The following CACNA2D1 variants were observed in gnomAD, a reference collection of about 807,000 sequenced individuals.
CACNA2D1 encodes calcium voltage-gated channel auxiliary subunit alpha2delta 1, also known as voltage-dependent calcium channel subunit alpha-2/delta-1.
Under a neutral mutation model 171.5 loss-of-function variants are expected in CACNA2D1, and 53 were observed. That is an observed-to-expected ratio of 0.31 (90% confidence interval 0.25 to 0.39). CACNA2D1 has a LOEUF of 0.39. Among genes scored for constraint, CACNA2D1 ranks in the 10% least tolerant of loss-of-function variants. The pLI is 1.00. For synonymous variants in CACNA2D1, 442 were observed against 443.1 expected (o/e 1.00, Z 0.03); for missense variants, 903 against 1,299.8 (o/e 0.69, Z 4.69).
chr7:82,256,701 A>G (rs1246737256), intron 3 of CACNA2D1, among the ~76,000 whole-genome samples: 1 of 152,186 alleles, frequency 6.6e-6, no homozygotes, highest in Non-Finnish European at 1.5e-5. Flanking sequence ...GTGACTTACA[A>G]ATTAAAGCTT....
At chr7:82,263,996 G>A (rs905814288) in intron 3 of CACNA2D1, among the ~76,000 whole-genome samples, 8 of 151,784 alleles carry the variant, frequency 5.3e-5, no homozygotes, top group African/African-American at 7.3e-5. Flanking sequence ...TATGTAGGCC[G>A]TCACCGTTTT....
At chr7:82,417,850 T>C (rs1828330041) in intron 1 of CACNA2D1, among the ~76,000 whole-genome samples, 2 of 152,136 alleles carry the variant, frequency 1.3e-5, no homozygotes, top group Non-Finnish European at 1.5e-5. Flanking sequence ...GCATTAGATT[T>C]TGCATATAGT....
At chr7:82,168,481 ATGAC>A (rs1017249165) in intron 4 of CACNA2D1, among the ~76,000 whole-genome samples, 12 of 152,088 alleles carry the variant, frequency 7.9e-5, no homozygotes, top group African/African-American at 2.9e-4. Flanking sequence ...AATAAATAGA[ATGAC>A]TAAGTGCCTT....
rs150386149 is a variant in CACNA2D1, at chr7:82,436,034, T to C, written c.95+7331A>G. On this transcript the variant is annotated intron_variant, in intron 1 of 38. Coordinates refer to ENST00000356860, the MANE Select transcript of CACNA2D1 (RefSeq NM_000722.4). ...GGTCATGCTCTGATGTATCCCAGTGTTCCATAGTCAGCTTGGAGTTGCTAA... is the reference window on the plus strand; with the variant it reads ...GGTCATGCTCTGATGTATCCCAGTGCTCCATAGTCAGCTTGGAGTTGCTAA... Among the ~76,000 whole-genome samples, 7 of 152,352 alleles carry C rather than the reference T, an allele frequency of 4.6e-5. No individual in the cohort carries two copies. In the East Asian group the frequency reaches 1.4e-3, roughly 29 times the overall value.
At chr7:82,247,922 A>G (rs1805130387) in intron 3 of CACNA2D1, among the ~76,000 whole-genome samples, 2 of 152,184 alleles carry the variant, frequency 1.3e-5, no homozygotes, top group South Asian at 4.1e-4. Flanking sequence ...TCTGATTAGA[A>G]CAAGCCAAGT....
intron 15 of CACNA2D1, among the ~76,000 whole-genome samples, chr7:82,009,505 T>G (rs1279439641): frequency 6.6e-6 from 1 of 152,136 alleles, no homozygotes; most frequent in Non-Finnish European, 1.5e-5. Context: ...GATAATTTAG[T>G]AAGGATTTGG....
At chr7:82,192,301 C>T (rs1563181979) in intron 3 of CACNA2D1, among the ~76,000 whole-genome samples, 1 of 151,538 alleles carries the variant, frequency 6.6e-6, no homozygotes. Context: ...GGTAATTTCA[C>T]AATAACTCTA....
chr7:82,002,357 C>T (rs1208058788), intron 18 of CACNA2D1, among the ~76,000 whole-genome samples: 3 of 152,174 alleles, frequency 2.0e-5, no homozygotes, highest in Admixed American at 1.3e-4. Flanking sequence ...TCATCTTGAA[C>T]TTCCCAGTCT....
intron 5 of CACNA2D1, among the ~76,000 whole-genome samples, chr7:82,122,215 G>C (rs2129058663): frequency 6.6e-6 from 1 of 152,246 alleles, no homozygotes; most frequent in East Asian, 1.9e-4. Context: ...TTTTCCAAAT[G>C]ACAGTGAAAG....
At chr7:81,975,234 G>A (rs952514795) in intron 24 of CACNA2D1, among the ~76,000 whole-genome samples, 1 of 152,084 alleles carries the variant, frequency 6.6e-6, no homozygotes, top group Non-Finnish European at 1.5e-5. Flanking sequence ...GCAACTGCAT[G>A]TGAATCTATG....
At chr7:82,276,088 G>T (rs1020672140) in intron 3 of CACNA2D1, among the ~76,000 whole-genome samples, 1 of 152,204 alleles carries the variant, frequency 6.6e-6, no homozygotes. Context: ...TACTTTGGCT[G>T]ATTAGAGCCA....
chr7:82,205,349 GGGGGGA>G (rs1011030954), intron 3 of CACNA2D1, among the ~76,000 whole-genome samples: 1 of 151,996 alleles, frequency 6.6e-6, no homozygotes, highest in African/African-American at 2.4e-5. Flanking sequence ...TTGAAGGCTT[GGGGGGA>G]ATCTTTTGCT....
chr7:82,378,936 CTCGTGTGT>C (rs1475830381), intron 1 of CACNA2D1, among the ~76,000 whole-genome samples: 1 of 112,334 alleles, frequency 8.9e-6, no homozygotes, highest in Non-Finnish European at 1.8e-5. Flanking sequence ...CAGGGGTTGA[CTCGTGTGT>C]GTGTGTGTGT....
chr7:81,983,658 C>T (rs576586153), intron 22 of CACNA2D1, among the ~76,000 whole-genome samples: 10 of 152,212 alleles, frequency 6.6e-5, no homozygotes, highest in South Asian at 2.1e-4. Flanking sequence ...CAAAGACTCA[C>T]GAGTTATCCC....
At chr7:82,116,030 C>A (rs1482237874) in intron 6 of CACNA2D1, among the ~76,000 whole-genome samples, 1 of 152,150 alleles carries the variant, frequency 6.6e-6, no homozygotes, top group African/African-American at 2.4e-5. Flanking sequence ...TAGTCTGGTT[C>A]CAGAACCCAG....
chr7:82,047,791 A>G (rs1367057291), intron 10 of CACNA2D1, among the ~76,000 whole-genome samples: 1 of 152,212 alleles, frequency 6.6e-6, no homozygotes, highest in Non-Finnish European at 1.5e-5. Context: ...CATATGTAAA[A>G]TATCAGGTGA....
chr7:82,221,773 C>T (rs571122032), intron 3 of CACNA2D1, among the ~76,000 whole-genome samples: 83 of 100,902 alleles, frequency 8.2e-4, no homozygotes, highest in African/African-American at 2.8e-3. Context: ...TTCACTGTTA[C>T]CAAAAAAAAA....
chr7:82,325,042 A>C (rs550118750), intron 3 of CACNA2D1, among the ~76,000 whole-genome samples: 1 of 152,320 alleles, frequency 6.6e-6, no homozygotes, highest in East Asian at 1.9e-4. Context: ...GAAAACATGC[A>C]CATCTCCTTA....
At chr7:81,957,210 C>T (rs1793498832) in intron 38 of CACNA2D1, among the ~76,000 whole-genome samples, 1 of 152,022 alleles carries the variant, frequency 6.6e-6, no homozygotes, top group South Asian at 2.1e-4. Flanking sequence ...ATATCTGTCT[C>T]TGTAATGACA....
Sources: allele counts gnomAD v4.1 joint callset (sites outside exome capture counted in the v4.1 genomes callset), GRCh38; gene constraint gnomAD v4.1.1; transcripts MANE v1.5; gene names NCBI Gene and HGNC (gene_info 2026-07-23, HGNC 2026-07-21).